KDM4A: variants seen among roughly 807,000 people sequenced by gnomAD.
The protein encoded by KDM4A is lysine demethylase 4A.
Under a neutral mutation model 127.1 loss-of-function variants are expected in KDM4A, and 23 were observed. The observed-to-expected ratio is 0.18, with a 90% CI of 0.13 to 0.26. The LOEUF (loss-of-function observed/expected upper bound fraction) is 0.26, where lower values mean the gene tolerates loss of function less well. KDM4A is among the 10% of genes least tolerant of loss of function. KDM4A has a pLI of 1.00. For synonymous variants in KDM4A, 443 were observed against 466.5 expected, an observed-to-expected ratio of 0.95 and a Z score of 0.65; for missense variants, 890 against 1,329.1, an observed-to-expected ratio of 0.67 and a Z score of 5.14.
intron 1 of KDM4A, 26 bp from the exon 2 acceptor site, chr1:43,653,111 T>G: frequency 7.9e-7 from 1 of 1,264,490 alleles, no homozygotes; most frequent in East Asian, 2.5e-5. Flanking sequence ...TTTATATTAT[T>G]TTATACTCTT....
rs1310703962 is a variant in KDM4A, at chr1:43,698,017, A to G, written c.2841+4A>G. 9 of 1,611,694 alleles carry G rather than the reference A, an allele frequency of 5.6e-6. No individual in the cohort carries two copies. Among genetic ancestry groups the G allele is most frequent in the Admixed American group, 3.4e-5 (2 of 59,528 alleles). On this transcript the variant is annotated splice_donor_region_variant and intron_variant, in intron 19 of 21. Transcript: ENST00000372396. ...TCTTTATCCTGAGGACATAGTGGTAATATCTGCAAGGAGCTTCTCAGGCAG... is the reference window on the plus strand; with the variant it reads ...TCTTTATCCTGAGGACATAGTGGTAGTATCTGCAAGGAGCTTCTCAGGCAG...
intron 7 of KDM4A, 114 bp downstream of exon 7, chr1:43,666,669 A>G (rs980003001): frequency 4.8e-6 from 4 of 840,532 alleles, no homozygotes; most frequent in Non-Finnish European, 7.6e-6. Context: ...TAAATAAACT[A>G]TGTAACAACA....
Position 43,667,056 on chromosome 1 carries a change from C to A in KDM4A, c.880C>A (p.Arg294Ser). 3 of 1,614,122 alleles carry A rather than the reference C, an allele frequency of 1.9e-6. No homozygotes were observed. The highest frequency in any genetic ancestry group is 2.5e-6 in the Non-Finnish European group (3 of 1,180,030). ...NCAESTNFATRRWIEYGKQAV... is the reference protein window; with the variant it reads ...NCAESTNFATSRWIEYGKQAV... The stretch of plus-strand genomic sequence containing the variant: ...TGCGGAGTCTACCAATTTTGCTACC[C>A]GTCGGTGGATTGAGTACGGCAAGCA... Residue 294 changes from arginine to serine, a missense_variant, in exon 8 of 22, where the codon CGT (arginine) becomes AGT (serine). By Grantham distance (110) the Arg-to-Ser change is moderately radical. Around this residue, in one of 7 missense-constraint regions of KDM4A, gnomAD observed 141 missense variants for 273.5 expected, o/e 0.52. Transcript: ENST00000372396.
At chr1:43,662,343 C>T (rs1176350703) in intron 4 of KDM4A, among the ~76,000 whole-genome samples, 1 of 151,936 alleles carries the variant, frequency 6.6e-6, no homozygotes, top group Non-Finnish European at 1.5e-5. Context: ...GGCGCGGTGG[C>T]TCAGGCCTGT....
chr1:43,688,820 G>A lies in KDM4A; in HGVS notation c.1856-94G>A, dbSNP rs1661044986. On this transcript the variant is annotated intron_variant, in intron 12 of 21. Coordinates refer to ENST00000372396, the MANE Select transcript of KDM4A (RefSeq NM_014663.3). This position sits in a 1 kb window ranked among gnomAD's most constrained non-coding sequence, Gnocchi z 4.4. ...AGGAGTCACCCTTGGTCCAAACCTAGGATCAGGAGTCCTAGTGGAACTCAT... is the reference window on the plus strand; with the variant it reads ...AGGAGTCACCCTTGGTCCAAACCTAAGATCAGGAGTCCTAGTGGAACTCAT... 2 of 1,174,694 alleles carry A rather than the reference G, an allele frequency of 1.7e-6. No homozygotes were observed. The highest frequency in any genetic ancestry group is 4.7e-5 in the East Asian group (2 of 42,162). The allele number at this position is 1,174,694 out of a possible 1,614,324, so 72.8% of individuals were successfully genotyped here. A position where few individuals can be genotyped will look rare whatever the true frequency, so the allele number is the denominator to read the frequency against.
rs1174146583 is a variant in KDM4A, at chr1:43,693,669, TC to T, written c.2376-323del. On this transcript the variant is annotated intron_variant, in intron 16 of 21. Transcript: ENST00000372396. This position sits in a 1 kb window ranked among gnomAD's most constrained non-coding sequence, Gnocchi z 4.2. ...TGGTAAAGAGGTCTGCATAGAGCTT[TC>T]CAGTTTATTCTCACTCCCTGAGACC... 6.6e-6 allele frequency among the ~76,000 whole-genome samples: 1 copy of T among 152,200 alleles called. No homozygotes were observed. Among genetic ancestry groups the T allele is most frequent in the African/African-American group, 2.4e-5 (1 of 41,446 alleles).
chr1:43,703,709 G>C lies in KDM4A; in HGVS notation c.2934G>C (p.Val978=), dbSNP rs547558357. ...GCCAAGTCTATGGAGCCAAGTTTGT[G>C]GCCTCCCACCCTATCCAAATGTACC... ...TDGQVYGAKF[V]ASHPIQMYQV... Residue 978 remains valine (V), a synonymous_variant, in exon 20 of 22, where the codon GTG becomes GTC. Transcript: ENST00000372396. 1.2e-6 allele frequency: 2 copies of C among 1,614,094 alleles called. No individual in the cohort carries two copies. The highest frequency in any genetic ancestry group is 4.5e-5 in the East Asian group (2 of 44,880).
intron 11 of KDM4A, among the ~76,000 whole-genome samples, chr1:43,673,405 C>T (rs1226131173): frequency 6.6e-6 from 1 of 152,196 alleles, no homozygotes; most frequent in African/African-American, 2.4e-5. Flanking sequence ...ATATGATTAA[C>T]ATTTGGCACA....
intron 11 of KDM4A, among the ~76,000 whole-genome samples, chr1:43,676,815 A>T (rs1557912118): frequency 6.6e-6 from 1 of 152,140 alleles, no homozygotes. Flanking sequence ...TAAATGCATC[A>T]CCTTAAATAT....
chr1:43,704,728 G>A lies in KDM4A; in HGVS notation c.*358G>A. 1 of 269,756 alleles carries A rather than the reference G, an allele frequency of 3.7e-6. No homozygotes were observed. The highest frequency in any genetic ancestry group is 8.9e-5 in the East Asian group (1 of 11,210). 16.7% of individuals were successfully genotyped at this position (269,756 alleles called of 1,614,324 possible). On this transcript the variant is annotated 3_prime_UTR_variant, in exon 22 of 22. Coordinates refer to ENST00000372396, the MANE Select transcript of KDM4A (RefSeq NM_014663.3). ...AACTATCACCTGCACCGACTAGGCT[G>A]AGGTGCTGGTACTTGCCCCAACCCC... is the stretch of plus-strand genomic sequence containing the variant.
intron 11 of KDM4A, among the ~76,000 whole-genome samples, 160 bp downstream of exon 11, chr1:43,672,035 G>A (rs961135515): frequency 6.6e-6 from 1 of 152,170 alleles, no homozygotes; most frequent in Non-Finnish European, 1.5e-5. Context: ...CAGTGGTTGT[G>A]TCAAACAAAA....
intron 12 of KDM4A, among the ~76,000 whole-genome samples, chr1:43,685,486 T>C (rs751801400): frequency 5.3e-5 from 8 of 151,652 alleles, no homozygotes; most frequent in Non-Finnish European, 1.0e-4. Context: ...GATCATGGTA[T>C]AGCCGGGCGT....
At chr1:43,655,016 A>T (rs1660207453) in intron 2 of KDM4A, among the ~76,000 whole-genome samples, 1 of 151,954 alleles carries the variant, frequency 6.6e-6, no homozygotes, top group Admixed American at 6.6e-5. Context: ...ACACCAGGCT[A>T]ATTTTTGTGT....
intron 11 of KDM4A, among the ~76,000 whole-genome samples, chr1:43,675,838 T>C (rs984206359): frequency 2.6e-5 from 4 of 152,064 alleles, no homozygotes; most frequent in African/African-American, 4.8e-5. Context: ...TTTGGGAGGC[T>C]GAGGCGGGTG....
intron 3 of KDM4A, among the ~76,000 whole-genome samples, chr1:43,657,664 C>A (rs1419931299): frequency 6.6e-6 from 1 of 152,176 alleles, no homozygotes; most frequent in East Asian, 1.9e-4. Flanking sequence ...AGCAAACTCA[C>A]CTGCCTTCTG....
At chr1:43,691,766 T>A (rs1661118236) in intron 15 of KDM4A, among the ~76,000 whole-genome samples, 194 bp downstream of exon 15, 1 of 151,846 alleles carries the variant, frequency 6.6e-6, no homozygotes, top group Non-Finnish European at 1.5e-5. Context: ...GGAGTCTGGA[T>A]GCTGTGTTTG....
chr1:43,657,298 G>A (rs1440060874), intron 3 of KDM4A, among the ~76,000 whole-genome samples: 1 of 151,982 alleles, frequency 6.6e-6, no homozygotes, highest in Non-Finnish European at 1.5e-5. Context: ...CGCCTCCTGG[G>A]TTCAAGCAAT....
chr1:43,650,532 G>C (rs932336721), intron 1 of KDM4A: 1 of 152,316 alleles, frequency 6.6e-6, no homozygotes, highest in African/African-American at 2.4e-5. Context: ...GGGCCGGGAG[G>C]GGCCGAACCT....
At chr1:43,690,415 T>G (rs1424338681) in intron 13 of KDM4A, among the ~76,000 whole-genome samples, 2 of 152,130 alleles carry the variant, frequency 1.3e-5, no homozygotes, top group Admixed American at 6.5e-5. Context: ...ACCCAGCTAA[T>G]TTTTGGATTC....
Sources: allele counts gnomAD v4.1 joint callset (sites outside exome capture counted in the v4.1 genomes callset), GRCh38; gene constraint gnomAD v4.1.1; regional missense constraint gnomAD v4.1.1; non-coding constraint Gnocchi (gnomAD v3.1); transcripts MANE v1.5; gene names NCBI Gene and HGNC (gene_info 2026-07-23, HGNC 2026-07-21).